Variants in CIP2A observed in about 807,000 individuals in gnomAD.
CIP2A encodes the protein protein CIP2A.
A neutral mutation model predicts 110.9 loss-of-function variants in CIP2A; 103 were observed. That is an observed-to-expected ratio of 0.93 (90% CI 0.79 to 1.09). The LOEUF (loss-of-function observed/expected upper bound fraction) is 1.09, where lower values mean the gene tolerates loss of function less well. Ranked by LOEUF, CIP2A falls within the 50% of genes least tolerant of loss-of-function variation. CIP2A has a pLI of 0.00. For missense variants in CIP2A, 1,088 were observed against 1,038.4 expected, an observed-to-expected ratio of 1.05 and a Z score of -0.66; for synonymous variants, 381 against 361.6, an observed-to-expected ratio of 1.05 and a Z score of -0.61.
In CIP2A at chr3:108,552,322, T is replaced by G. The variant is rs35392843; in HGVS notation, c.2459A>C (p.Lys820Thr). The G allele has an allele frequency of 7.2e-5, 112 of 1,550,786 alleles. No individual in the cohort carries two copies. The African/African-American group carries it at 1.1e-3, about 15-fold the overall frequency. The change falls in exon 20 of 21, where the codon AAG (lysine) becomes ACG (threonine). Residue 820 changes from lysine to threonine, a missense_variant. Transcript: ENST00000295746. The part of the protein sequence containing the change: ...VQEEKIKTLQ[K>T]EREDKEETID... ...GGTTTCTTCCTTATCTTCCCTTTCCTTTTGTAAGGTTTTAATCTTTTCTTC... is the reference window on the plus strand; with the variant it reads ...GGTTTCTTCCTTATCTTCCCTTTCCGTTTGTAAGGTTTTAATCTTTTCTTC...
At chr3:108,552,185 AAC>A (rs1937609882) in intron 20 of CIP2A, 47 bp downstream of exon 20, 6 of 1,479,654 alleles carry the variant, frequency 4.1e-6, no homozygotes, top group Non-Finnish European at 4.5e-6. Flanking sequence ...CCCTTTTCAC[AAC>A]AGACTTTTTT....
At chr3:108,581,612 T>G in intron 4 of CIP2A, 101 bp from the exon 5 acceptor site, 1 of 678,840 alleles carries the variant, frequency 1.5e-6, no homozygotes, top group South Asian at 2.0e-5. Flanking sequence ...GTTTATACAT[T>G]TCAATTCCCT....
chr3:108,581,566 C>A, intron 4 of CIP2A, 55 bp from the exon 5 acceptor site: 2 of 1,027,034 alleles, frequency 1.9e-6, no homozygotes, highest in South Asian at 1.4e-5. Context: ...AGAAAAAAAG[C>A]ATTAACATTA....
At chr3:108,563,301 T>C in intron 12 of CIP2A, 57 bp from the exon 13 acceptor site, 1 of 989,426 alleles carries the variant, frequency 1.0e-6, no homozygotes, top group Non-Finnish European at 1.6e-6. Context: ...ATGTCAGCTC[T>C]TTTAGATAGG....
At chr3:108,567,085 G>C (rs563727411) in intron 10 of CIP2A, among the ~76,000 whole-genome samples, 2 of 151,790 alleles carry the variant, frequency 1.3e-5, no homozygotes, top group Non-Finnish European at 2.9e-5. Flanking sequence ...CCCTACTGCA[G>C]TGGTTCTCAA....
In CIP2A at chr3:108,569,779, T is replaced by C. The variant is rs546316989; in HGVS notation, c.895-172A>G. Among the ~76,000 whole-genome samples the C allele has an allele frequency of 1.5e-3, 233 of 152,180 alleles. 1 individual carries two copies. Among genetic ancestry groups the C allele is most frequent in the Non-Finnish European group, 2.6e-3 (179 of 67,998 alleles). ...AAATGTGTGAATAGGTTCTAGAAGA[T>C]TATAAAATAAACTTATTAATGGTGG... On this transcript the variant is annotated intron_variant, in intron 8 of 20. Transcript: ENST00000295746.
intron 8 of CIP2A, among the ~76,000 whole-genome samples, chr3:108,573,623 A>G (rs554278759): frequency 9.9e-5 from 15 of 152,116 alleles, no homozygotes; most frequent in African/African-American, 2.9e-4. Flanking sequence ...ATCCTTATTT[A>G]GCACTTATAT....
chr3:108,554,227 C>T, intron 18 of CIP2A, 149 bp downstream of exon 18: 1 of 507,228 alleles, frequency 2.0e-6, no homozygotes, highest in Non-Finnish European at 3.5e-6. Context: ...ACAGCAATTG[C>T]CTGTAACTTC....
At chr3:108,564,224 G>C (rs530887891) in intron 12 of CIP2A, among the ~76,000 whole-genome samples, 8 of 151,832 alleles carry the variant, frequency 5.3e-5, no homozygotes, top group Non-Finnish European at 1.0e-4. Context: ...AATTGAAGTC[G>C]AGAGAGGTGA....
At position 108,551,211 on chromosome 3, in the gene CIP2A, C is replaced by T. The variant is rs774450989; in HGVS notation, c.2656G>A (p.Ala886Thr). 3 of 1,611,444 alleles carry T rather than the reference C, an allele frequency of 1.9e-6. No individual in the cohort carries two copies. Among genetic ancestry groups the T allele is most frequent in the South Asian group, 2.2e-5 (2 of 90,828 alleles). Reference protein sequence around the residue: ...EELNKHSHMIAMIHSLSGGKI... With the variant: ...EELNKHSHMITMIHSLSGGKI... ...CCACCACTTAAACTGTGGATCATTG[C>T]TATCATGTGGGAGTGTTTGTTCAAT... is the stretch of plus-strand genomic sequence containing the variant. Residue 886 changes from alanine to threonine, a missense_variant, in exon 21 of 21, where the codon GCA becomes ACA. Transcript: ENST00000295746.
At chr3:108,575,632 G>A (rs1938582690) in intron 8 of CIP2A, among the ~76,000 whole-genome samples, 2 of 121,222 alleles carry the variant, frequency 1.6e-5, no homozygotes, top group African/African-American at 3.4e-5. Flanking sequence ...ATATATACGT[G>A]TATATATACT....
Position 108,563,129 on chromosome 3 carries a change from A to G in CIP2A, c.1631T>C (p.Leu544Ser), listed in dbSNP as rs1938063347. ...ACTGCAAATGATTACAACTCACACT[A>G]AAGCAGGAAAATCTGGCAGTGGAGC... ...EAAPLPDFPA[L>S]VLGESIAANN... is the part of the protein sequence containing the mutation. Residue 544 changes from leucine (L) to serine (S), a missense_variant, in exon 13 of 21, where the codon TTA becomes TCA. Leu to Ser is a moderately radical substitution (Grantham distance 145). Coordinates refer to ENST00000295746, the MANE Select transcript of CIP2A (RefSeq NM_020890.3). 2 of 1,592,654 alleles carry G rather than the reference A, an allele frequency of 1.3e-6. No homozygotes were observed. The highest frequency in any genetic ancestry group is 1.7e-6 in the Non-Finnish European group (2 of 1,160,734).
At chr3:108,586,710 T>C (rs747908356) in intron 1 of CIP2A, among the ~76,000 whole-genome samples, 16 of 152,158 alleles carry the variant, frequency 1.1e-4, no homozygotes, top group Admixed American at 4.6e-4. Flanking sequence ...ACACTGATAG[T>C]AAAGAAGCAC....
At position 108,589,340 on chromosome 3, in the gene CIP2A, C is replaced by T; in HGVS notation, c.36G>A (p.Leu12=). ...TCACGGCTTTGTACTGACTGACAGT[C>T]AGGAGCAAGGACTTCAAGCAGGCAG... The part of the protein sequence containing the change: ...DSTACLKSLL[L]TVSQYKAVKS... The change falls in exon 1 of 21, where the codon CTG becomes CTA. Residue 12 remains leucine (L), a synonymous_variant. Coordinates refer to ENST00000295746, the MANE Select transcript of CIP2A (RefSeq NM_020890.3). 1 of 1,613,950 alleles carries T rather than the reference C, an allele frequency of 6.2e-7. No homozygotes were observed. The highest frequency in any genetic ancestry group is 8.5e-7 in the Non-Finnish European group (1 of 1,179,914).
In CIP2A at chr3:108,589,341, A is replaced by T. The variant is rs1939231245; in HGVS notation, c.35T>A (p.Leu12Gln). The T allele has an allele frequency of 6.2e-7, 1 of 1,613,810 alleles. No individual in the cohort carries two copies. The highest frequency in any genetic ancestry group is 8.5e-7 in the Non-Finnish European group (1 of 1,179,892). The change falls in exon 1 of 21, where the codon CTG becomes CAG. Residue 12 changes from leucine to glutamine, a missense_variant. Coordinates refer to ENST00000295746, the MANE Select transcript of CIP2A (RefSeq NM_020890.3). ...CACGGCTTTGTACTGACTGACAGTC[A>T]GGAGCAAGGACTTCAAGCAGGCAGT... is the stretch of plus-strand genomic sequence containing the variant. ...DSTACLKSLL[L>Q]TVSQYKAVKS...
At chr3:108,552,829 AC>A (rs1937626669) in intron 19 of CIP2A, among the ~76,000 whole-genome samples, 1 of 152,180 alleles carries the variant, frequency 6.6e-6, no homozygotes. Context: ...GGAACAGAAA[AC>A]CAAATACTCC....
At chr3:108,556,997 GA>G (rs1937827739) in intron 17 of CIP2A, among the ~76,000 whole-genome samples, 1 of 152,082 alleles carries the variant, frequency 6.6e-6, no homozygotes, top group African/African-American at 2.4e-5. Context: ...ATACATAAAA[GA>G]AGTCAACTGG....
At position 108,569,538 on chromosome 3, in the gene CIP2A, C is replaced by T; in HGVS notation, c.964G>A (p.Glu322Lys). The T allele has an allele frequency of 6.2e-7, 1 of 1,612,666 alleles. No homozygotes were observed. The highest frequency in any genetic ancestry group is 1.1e-5 in the South Asian group (1 of 91,044). ...LRHMLTQMMF[E>K]QSPPGSATLG... is the part of the protein sequence containing the mutation. Reference sequence around the variant, plus strand: ...GTGGCGCTGCCAGGTGGAGACTGTTCAAACATCATCTGAGTGAGCATATGG... The same window carrying T: ...GTGGCGCTGCCAGGTGGAGACTGTTTAAACATCATCTGAGTGAGCATATGG... Residue 322 changes from glutamate to lysine, a missense_variant, in exon 9 of 21, where the codon GAA becomes AAA. Transcript: ENST00000295746.
At chr3:108,554,609 G>T in intron 17 of CIP2A, 120 bp from the exon 18 acceptor site, 2 of 544,824 alleles carry the variant, frequency 3.7e-6, no homozygotes, top group East Asian at 3.1e-5. Context: ...TGGAAGAGAA[G>T]GAATGTTATG....
Sources: gnomAD v4.1 joint callset for allele counts (sites outside exome capture counted in the v4.1 genomes callset) on GRCh38, gnomAD v4.1.1 for gene constraint, MANE v1.5 for transcripts, NCBI Gene and HGNC (gene_info 2026-07-23, HGNC 2026-07-21) for gene names.